Variants in ATRNL1 observed in about 807,000 individuals in gnomAD.
ATRNL1 encodes attractin-like protein 1.
In ATRNL1, 95 loss-of-function variants were observed where a neutral mutation model predicts 182.7. The observed-to-expected ratio is 0.52, with a 90% confidence interval of 0.44 to 0.62. ATRNL1 has a LOEUF of 0.62. Among genes scored for constraint, ATRNL1 ranks in the 20% least tolerant of loss-of-function variants. ATRNL1 has a pLI of 0.00. For synonymous variants in ATRNL1, 576 were observed against 568.3 expected (o/e 1.01, Z -0.19); for missense variants, 1,471 against 1,679.5 (o/e 0.88, Z 2.17).
intron 8 of ATRNL1, among the ~76,000 whole-genome samples, chr10:115,200,671 A>G (rs1848534212): frequency 7.1e-6 from 1 of 141,464 alleles, no homozygotes; most frequent in Admixed American, 7.0e-5. Context: ...TATTGTGAAT[A>G]GTGCCGCAGT....
intron 13 of ATRNL1, among the ~76,000 whole-genome samples, chr10:115,272,372 C>T (rs1200017983): frequency 6.6e-6 from 1 of 152,054 alleles, no homozygotes; most frequent in African/African-American, 2.4e-5. Context: ...AGCAGTCACC[C>T]CAATGAGCAC....
chr10:115,210,764 T>C (rs1277408331), intron 8 of ATRNL1, among the ~76,000 whole-genome samples: 2 of 151,958 alleles, frequency 1.3e-5, no homozygotes, highest in African/African-American at 4.8e-5. Context: ...TGATAGTATC[T>C]TCTGTATAAT....
At chr10:115,369,172 T>C (rs1332849906) in intron 19 of ATRNL1, among the ~76,000 whole-genome samples, 1 of 151,630 alleles carries the variant, frequency 6.6e-6, no homozygotes, top group East Asian at 1.9e-4. Context: ...TAATATTTCA[T>C]TTTTAAATAT....
intron 28 of ATRNL1, among the ~76,000 whole-genome samples, chr10:115,866,757 A>G (rs1423195796): frequency 2.6e-5 from 4 of 152,186 alleles, no homozygotes; most frequent in African/African-American, 9.7e-5. Context: ...AGTTTTTTTT[A>G]AAGGAGCGAG....
intron 27 of ATRNL1, among the ~76,000 whole-genome samples, chr10:115,787,742 C>T (rs1202500766): frequency 1.3e-5 from 2 of 152,128 alleles, no homozygotes; most frequent in African/African-American, 2.4e-5. Flanking sequence ...TCTCTGGGAC[C>T]TGTGAATGTT....
chr10:115,339,973 C>T (rs1855662446), intron 19 of ATRNL1, among the ~76,000 whole-genome samples: 1 of 152,086 alleles, frequency 6.6e-6, no homozygotes, highest in South Asian at 2.1e-4. Context: ...TCATTTTTAT[C>T]CTTCATTCTA....
At chr10:115,323,576 C>T (rs2134038788) in intron 18 of ATRNL1, among the ~76,000 whole-genome samples, 1 of 151,632 alleles carries the variant, frequency 6.6e-6, no homozygotes, top group Non-Finnish European at 1.5e-5. Flanking sequence ...TCCTGAGTAG[C>T]TGGGATTACA....
At chr10:115,859,726 C>T (rs1951268229) in intron 28 of ATRNL1, among the ~76,000 whole-genome samples, 1 of 152,172 alleles carries the variant, frequency 6.6e-6, no homozygotes, top group Non-Finnish European at 1.5e-5. Flanking sequence ...CTCCCACAGA[C>T]TGTTTAATGG....
intron 25 of ATRNL1, among the ~76,000 whole-genome samples, chr10:115,546,753 G>A (rs1329018336): frequency 6.6e-6 from 1 of 152,084 alleles, no homozygotes; most frequent in Admixed American, 6.6e-5. Context: ...CTAGATGCCT[G>A]TCAAGTGATG....
chr10:115,779,799 G>T (rs995334646), intron 27 of ATRNL1, among the ~76,000 whole-genome samples: 1 of 151,978 alleles, frequency 6.6e-6, no homozygotes, highest in East Asian at 1.9e-4. Context: ...CTCTAGGGTT[G>T]GTACAAAACA....
intron 20 of ATRNL1, among the ~76,000 whole-genome samples, chr10:115,395,479 A>G (rs1185632788): frequency 2.6e-5 from 4 of 151,972 alleles, no homozygotes; most frequent in African/African-American, 7.2e-5. Context: ...AAAAAGATGC[A>G]TTCTTAATCT....
At chr10:115,699,603 T>G (rs2133991366) in intron 26 of ATRNL1, among the ~76,000 whole-genome samples, 1 of 152,246 alleles carries the variant, frequency 6.6e-6, no homozygotes, top group East Asian at 1.9e-4. Context: ...TAAGCTGAAG[T>G]GAAAAAAGCA....
intron 26 of ATRNL1, among the ~76,000 whole-genome samples, chr10:115,633,748 T>C (rs1858676732): frequency 1.3e-5 from 2 of 152,264 alleles, no homozygotes; most frequent in Non-Finnish European, 2.9e-5. Flanking sequence ...TTTAAAACAC[T>C]TTTAGCTATC....
intron 2 of ATRNL1, among the ~76,000 whole-genome samples, chr10:115,121,112 A>G (rs776510467): frequency 6.6e-5 from 10 of 151,488 alleles, no homozygotes; most frequent in Middle Eastern, 3.4e-3. Context: ...TTCAATCAAG[A>G]GAAAGATTTT....
intron 8 of ATRNL1, among the ~76,000 whole-genome samples, chr10:115,215,405 A>G (rs1849190357): frequency 6.6e-6 from 1 of 152,154 alleles, no homozygotes; most frequent in South Asian, 2.1e-4. Context: ...AGAGCTATTT[A>G]TGTAATATAA....
intron 26 of ATRNL1, among the ~76,000 whole-genome samples, chr10:115,622,459 T>C (rs184023367): frequency 1.1e-4 from 17 of 152,302 alleles, no homozygotes; most frequent in African/African-American, 4.1e-4. Context: ...ACATTTGTAA[T>C]TGTTCTGATC....
chr10:115,183,031 A>C (rs1847807580), intron 8 of ATRNL1, among the ~76,000 whole-genome samples: 1 of 151,560 alleles, frequency 6.6e-6, no homozygotes, highest in Admixed American at 6.6e-5. Flanking sequence ...GAAAACCCAC[A>C]AAAATTGACT....
At chr10:115,792,755 T>G (rs1555082029) in intron 27 of ATRNL1, among the ~76,000 whole-genome samples, 1 of 152,056 alleles carries the variant, frequency 6.6e-6, no homozygotes, top group Non-Finnish European at 1.5e-5. Flanking sequence ...ATTTCTTCAT[T>G]CAAAGAACAG....
At chr10:115,168,462 C>T (rs556506568) in intron 7 of ATRNL1, among the ~76,000 whole-genome samples, 57 of 152,210 alleles carry the variant, frequency 3.7e-4, no homozygotes, top group African/African-American at 1.3e-3. Context: ...TTCTATACAT[C>T]CTTGCCAACA....
Sources: allele counts gnomAD v4.1 joint callset (sites outside exome capture counted in the v4.1 genomes callset), GRCh38; gene constraint gnomAD v4.1.1; transcripts MANE v1.5; gene names NCBI Gene and HGNC (gene_info 2026-07-23, HGNC 2026-07-21).